ACBD5: variants seen among roughly 807,000 people sequenced by gnomAD.
ACBD5 encodes acyl-CoA binding domain containing 5, also known as acyl-CoA-binding domain-containing protein 5.
ACBD5 carries 40 observed loss-of-function variants against 71.8 expected under a neutral mutation model. That is an observed-to-expected ratio of 0.56 (90% CI 0.43 to 0.72). ACBD5 has a LOEUF of 0.72. Among genes scored for constraint, ACBD5 ranks in the 30% least tolerant of loss-of-function variants. The pLI is 0.00. For synonymous variants in ACBD5, 229 were observed against 218.6 expected (o/e 1.05, Z -0.42); for missense variants, 559 against 644.5 (o/e 0.87, Z 1.44).
chr10:27,204,064 G>A (rs1024869732), intron 12 of ACBD5, among the ~76,000 whole-genome samples: 1 of 145,678 alleles, frequency 6.9e-6, no homozygotes. Flanking sequence ...AGGAATCTGA[G>A]GCTTCAGTGC....
downstream of ACBD5, among the ~76,000 whole-genome samples, chr10:27,194,996 A>G (rs764314373): frequency 5.3e-5 from 8 of 152,162 alleles, no homozygotes; most frequent in Non-Finnish European, 1.2e-4. Flanking sequence ...CTCTGTCTCA[A>G]AAAAAAGTAA....
chr10:27,195,908 A>C lies in ACBD5; in HGVS notation c.*1522T>G, dbSNP rs11015603. Reference sequence around the variant, plus strand: ...TCATACATCTTGAGAATGCTTAAAAATTATTTGCTACAGGCCAGGTGCAGT... The same window carrying C: ...TCATACATCTTGAGAATGCTTAAAACTTATTTGCTACAGGCCAGGTGCAGT... On this transcript the variant is annotated 3_prime_UTR_variant, in exon 13 of 13. Coordinates refer to ENST00000396271, the MANE Select transcript of ACBD5 (RefSeq NM_145698.5). The C allele has an allele frequency of 0.059, 26,926 of 453,276 alleles. 942 individuals carry two copies. Among genetic ancestry groups the C allele is most frequent in the African/African-American group, 0.1 (5,029 of 50,052 alleles). The allele number at this position is 453,276 out of a possible 1,614,324, so 28.1% of individuals were successfully genotyped here. A position where few individuals can be genotyped will look rare whatever the true frequency, so the allele number is the denominator to read the frequency against.
chr10:27,219,505 T>A (rs2062071400), intron 6 of ACBD5, among the ~76,000 whole-genome samples: 1 of 152,190 alleles, frequency 6.6e-6, no homozygotes, highest in African/African-American at 2.4e-5. Context: ...CCTATTCTTG[T>A]CAACCTTCAA....
chr10:27,200,060 G>C (rs2059758403), intron 12 of ACBD5, among the ~76,000 whole-genome samples: 1 of 152,048 alleles, frequency 6.6e-6, no homozygotes, highest in South Asian at 2.1e-4. Context: ...ATGTGAACCA[G>C]AGCAACTCCA....
chr10:27,223,363 A>G lies in ACBD5; in HGVS notation c.465T>C (p.Ser155=), dbSNP rs1205461716. 1 of 1,613,724 alleles carries G rather than the reference A, an allele frequency of 6.2e-7. No homozygotes were observed. The highest frequency in any genetic ancestry group is 8.5e-7 in the Non-Finnish European group (1 of 1,179,862). Residue 155 remains serine (S), a synonymous_variant, in exon 5 of 13, where the codon AGT becomes AGC. Coordinates refer to ENST00000396271, the MANE Select transcript of ACBD5 (RefSeq NM_145698.5). ...PFYEIVEDKK[S]GRSSDITSDL... is the part of the protein sequence containing the mutation. ...CTGAGGTTATATCAGAACTCCTGCC[A>G]CTCTTTTTGTCCTCGACAATTTCAT...
chr10:27,199,544 C>T (rs564482927), intron 12 of ACBD5, among the ~76,000 whole-genome samples: 1 of 152,318 alleles, frequency 6.6e-6, no homozygotes, highest in African/African-American at 2.4e-5. Flanking sequence ...GGAATAAATT[C>T]TGCCTTTCCC....
In ACBD5 at chr10:27,186,881, C is replaced by G. The variant is rs562057401; in HGVS notation, c.1494-4166G>C. ...TCTCCTCTGATTTCAGTTCACTGTTCAGTTTAGCATTAAAATAATAAAATA... is the reference window on the plus strand; with the variant it reads ...TCTCCTCTGATTTCAGTTCACTGTTGAGTTTAGCATTAAAATAATAAAATA... On this transcript the variant is annotated intron_variant, in intron 13 of 13. Coordinates refer to the ACBD5 transcript ENST00000676511. The G allele has an allele frequency of 1.6e-5, 5 of 305,866 alleles. No homozygotes were observed. The East Asian group carries it at 4.1e-4, about 25-fold the overall frequency. The allele number at this position is 305,866 out of a possible 1,614,324, so 18.9% of individuals were successfully genotyped here. A position where few individuals can be genotyped will look rare whatever the true frequency, so the allele number is the denominator to read the frequency against.
At chr10:27,223,081 C>T in intron 5 of ACBD5, 2 of 665,186 alleles carry the variant, frequency 3.0e-6, no homozygotes, top group Non-Finnish European at 5.5e-6. Context: ...TTTGGAACTT[C>T]ATATAATGTG....
At chr10:27,185,291 G>A (rs1217167052) in intron 13 of ACBD5, among the ~76,000 whole-genome samples, 1 of 152,150 alleles carries the variant, frequency 6.6e-6, no homozygotes, top group Non-Finnish European at 1.5e-5. Context: ...TTATCAAGGA[G>A]CAGAAAGTAG....
chr10:27,210,820 C>G lies in ACBD5; in HGVS notation c.1198G>C (p.Gly400Arg), dbSNP rs777629425. 2 of 1,614,008 alleles carry G rather than the reference C, an allele frequency of 1.2e-6. No homozygotes were observed. The highest frequency in any genetic ancestry group is 1.1e-5 in the South Asian group (1 of 91,082). The change falls in exon 9 of 13, where the codon GGA becomes CGA. Residue 400 changes from glycine (G) to arginine (R), a missense_variant. Transcript: ENST00000396271. ...ETDEFSNVRR[G>R]RGHRMQHLSE... ...GAAAAAAGGTAATCCACACCTCTTC[C>G]TCTTCTAACATTAGAGAATTCGTCA...
chr10:27,208,913 G>T (rs1016977876), intron 9 of ACBD5, among the ~76,000 whole-genome samples: 1 of 152,088 alleles, frequency 6.6e-6, no homozygotes, highest in Non-Finnish European at 1.5e-5. Flanking sequence ...TGAGCTCAAA[G>T]AAATTGATTT....
In ACBD5 at chr10:27,223,337, C is replaced by T; in HGVS notation, c.490+1G>A. On this transcript the variant is annotated splice_donor_variant, in intron 5 of 12. Transcript: ENST00000396271. LOFTEE classifies it high-confidence loss of function. ...TTTAAAAATAGGTAAAATAGTCCAA[C>T]CTGAGGTTATATCAGAACTCCTGCC... The T allele has an allele frequency of 1.9e-6, 3 of 1,604,528 alleles. No individual in the cohort carries two copies. The highest frequency in any genetic ancestry group is 2.6e-6 in the Non-Finnish European group (3 of 1,171,446).
In ACBD5 at chr10:27,202,303, A is replaced by G. The variant is rs140926843; in HGVS notation, c.1565+2137T>C. Among the ~76,000 whole-genome samples, 67 of 152,312 alleles carry G rather than the reference A, an allele frequency of 4.4e-4. 2 individuals carry two copies. The East Asian group carries it at 0.01, about 24-fold the overall frequency. ...ATATAAGCAAACAATATGTAAAAAC[A>G]CTATACCTCGTCAAAATGAAGTTGC... On this transcript the variant is annotated intron_variant, in intron 12 of 12. Transcript: ENST00000396271.
chr10:27,226,568 T>C (rs942095791), intron 4 of ACBD5, among the ~76,000 whole-genome samples: 9 of 151,612 alleles, frequency 5.9e-5, no homozygotes, highest in Non-Finnish European at 1.2e-4. Flanking sequence ...GCTTGTCCAA[T>C]CTGCAGTCCT....
intron 12 of ACBD5, among the ~76,000 whole-genome samples, chr10:27,202,969 CT>C (rs775633178): frequency 9.0e-4 from 64 of 70,774 alleles, no homozygotes; most frequent in East Asian, 2.1e-3. Flanking sequence ...TCTATATCCT[CT>C]TTTTTTTTTT....
At chr10:27,222,461 A>G (rs4747595) in intron 5 of ACBD5, among the ~76,000 whole-genome samples, 117,708 of 151,496 alleles carry the variant, frequency 0.78, 46,025 homozygotes, top group African/African-American at 0.87. Context: ...TGCTTGAACC[A>G]AAATAAAGAA....
intron 5 of ACBD5, among the ~76,000 whole-genome samples, chr10:27,222,736 A>C (rs987907699): frequency 6.7e-6 from 1 of 149,956 alleles, no homozygotes; most frequent in Non-Finnish European, 1.5e-5. Flanking sequence ...ATGCCTGGCT[A>C]ATTTTTGTGT....
At chr10:27,214,085 G>C (rs1038550603) in intron 8 of ACBD5, among the ~76,000 whole-genome samples, 2 of 152,112 alleles carry the variant, frequency 1.3e-5, no homozygotes. Flanking sequence ...AACTTCAAAT[G>C]GTCTCACTTA....
At position 27,195,403 on chromosome 10, in the gene ACBD5, A is replaced by G. The variant is rs575188299; in HGVS notation, c.*2027T>C. ...GTGTGCAAAGTGCTTTTCAAACTATAAAATAAGACTTTGGAACAGGATAGA... is the reference window on the plus strand; with the variant it reads ...GTGTGCAAAGTGCTTTTCAAACTATGAAATAAGACTTTGGAACAGGATAGA... On this transcript the variant is annotated 3_prime_UTR_variant, in exon 13 of 13. Transcript: ENST00000396271. 2 of 454,510 alleles carry G rather than the reference A, an allele frequency of 4.4e-6. No individual in the cohort carries two copies. The highest frequency in any genetic ancestry group is 3.1e-5 in the South Asian group (2 of 64,452). The allele number at this position is 454,510 out of a possible 1,614,324, so 28.2% of individuals were successfully genotyped here.
Sources: allele counts gnomAD v4.1 joint callset (sites outside exome capture counted in the v4.1 genomes callset), GRCh38; gene constraint gnomAD v4.1.1; transcripts MANE v1.5; gene names NCBI Gene and HGNC (gene_info 2026-07-23, HGNC 2026-07-21).